CA10: variants seen among roughly 807,000 people sequenced by gnomAD.
CA10 encodes the protein carbonic anhydrase 10 (inactive).
Under a neutral mutation model 44.2 loss-of-function variants are expected in CA10, and 14 were observed. The ratio of observed to expected loss-of-function variants is 0.32; its 90% CI spans 0.21 to 0.50. The LOEUF (loss-of-function observed/expected upper bound fraction) is 0.50, where lower values mean the gene tolerates loss of function less well. CA10 is among the 20% of genes least tolerant of loss of function. The probability of loss-of-function intolerance (pLI) is 0.99; values close to 1 mark genes in which losing one functional copy is unlikely to be tolerated. For synonymous variants in CA10, 159 were observed against 141.6 expected (o/e 1.12, Z -0.87); for missense variants, 350 against 409.7 (o/e 0.85, Z 1.26).
rs1163547699 is a variant in CA10, at chr17:51,861,996, A to G, written c.279+68994T>C. Among the ~76,000 whole-genome samples, 3 of 152,340 alleles carry G rather than the reference A, an allele frequency of 2.0e-5. No homozygotes were observed. In the East Asian group the frequency reaches 5.8e-4, roughly 29 times the overall value. On this transcript the variant is annotated intron_variant, in intron 3 of 8. Coordinates refer to ENST00000451037, the MANE Select transcript of CA10 (RefSeq NM_020178.5). Reference sequence around the variant, plus strand: ...CTTCTCATATGGTCCACTATATACAACAGCCACCTGCTTGCTATTGCCATT... The same window carrying G: ...CTTCTCATATGGTCCACTATATACAGCAGCCACCTGCTTGCTATTGCCATT...
intron 1 of CA10, among the ~76,000 whole-genome samples, chr17:52,133,173 G>T (rs1989278694): frequency 1.3e-5 from 2 of 152,276 alleles, no homozygotes; most frequent in South Asian, 4.1e-4. Flanking sequence ...CATGGAACAG[G>T]TGACTGACCT....
At chr17:51,831,297 A>G (rs1475379743) in intron 3 of CA10, among the ~76,000 whole-genome samples, 2 of 152,022 alleles carry the variant, frequency 1.3e-5, no homozygotes, top group Non-Finnish European at 2.9e-5. Context: ...ATCCTTTTAA[A>G]TTATTGTTTT....
intron 3 of CA10, among the ~76,000 whole-genome samples, chr17:51,815,068 G>T (rs1240552809): frequency 1.3e-5 from 2 of 152,124 alleles, no homozygotes. Context: ...ATTAGGTAAA[G>T]AGACTAAAAC....
intron 2 of CA10, among the ~76,000 whole-genome samples, chr17:52,060,455 A>C (rs1987352297): frequency 6.6e-6 from 1 of 152,182 alleles, no homozygotes; most frequent in South Asian, 2.1e-4. Context: ...TTGGTTTCTT[A>C]GTTTTGACAA....
At chr17:51,908,938 A>G (rs967636669) in intron 3 of CA10, among the ~76,000 whole-genome samples, 3 of 152,156 alleles carry the variant, frequency 2.0e-5, no homozygotes, top group Admixed American at 6.6e-5. Context: ...AGACATTAGT[A>G]AAATAGGCCA....
At chr17:51,949,230 A>C (rs1044056338) in intron 2 of CA10, among the ~76,000 whole-genome samples, 1 of 152,188 alleles carries the variant, frequency 6.6e-6, no homozygotes, top group African/African-American at 2.4e-5. Context: ...TTGAAACCCA[A>C]AACATTTATA....
intron 4 of CA10, among the ~76,000 whole-genome samples, chr17:51,662,445 C>G (rs1303448899): frequency 1.3e-5 from 2 of 152,284 alleles, no homozygotes; most frequent in African/African-American, 2.4e-5. Context: ...GTGACAGTGA[C>G]TATTCATTTC....
intron 1 of CA10, among the ~76,000 whole-genome samples, chr17:52,097,786 C>T (rs1222344478): frequency 1.3e-5 from 2 of 152,162 alleles, no homozygotes; most frequent in East Asian, 1.9e-4. Flanking sequence ...ACTAATGATA[C>T]AACATGGTAA....
chr17:51,647,400 G>T (rs1399515562), intron 6 of CA10, among the ~76,000 whole-genome samples: 1 of 152,064 alleles, frequency 6.6e-6, no homozygotes, highest in Non-Finnish European at 1.5e-5. Context: ...CCCACACTTG[G>T]AATGCTTTTC....
At chr17:51,639,385 T>G (rs1912981113) in intron 6 of CA10, among the ~76,000 whole-genome samples, 1 of 152,074 alleles carries the variant, frequency 6.6e-6, no homozygotes, top group African/African-American at 2.4e-5. Flanking sequence ...ATGTTTTGTT[T>G]CTTTGAGACT....
chr17:51,908,279 T>C (rs557280868), intron 3 of CA10, among the ~76,000 whole-genome samples: 67 of 152,286 alleles, frequency 4.4e-4, no homozygotes, highest in Middle Eastern at 6.8e-3. Context: ...GGAGAGCTCA[T>C]GCATGGCAGT....
In CA10 at chr17:51,904,120, A is replaced by G. The variant is rs564051020; in HGVS notation, c.279+26870T>C. Among the ~76,000 whole-genome samples, 118 of 151,818 alleles carry G rather than the reference A, an allele frequency of 7.8e-4. 3 individuals are homozygous for G. In the South Asian group the frequency reaches 0.024, roughly 31 times the overall value. ...GCTCAGGATGGAGGGGCTTTCTAGG[A>G]TGCAAGAATTTCAGTGTTAAAACTG... On this transcript the variant is annotated intron_variant, in intron 3 of 8. Transcript: ENST00000451037.
chr17:51,694,495 G>GTTTTTT (rs548169573), intron 4 of CA10, among the ~76,000 whole-genome samples: 1 of 127,480 alleles, frequency 7.8e-6, no homozygotes, highest in Admixed American at 7.7e-5. Context: ...TTTTAATGGG[G>GTTTTTT]TTTTTTTTTT....
intron 5 of CA10, among the ~76,000 whole-genome samples, chr17:51,650,795 C>T (rs1017792080): frequency 2.0e-5 from 3 of 152,180 alleles, no homozygotes; most frequent in African/African-American, 7.2e-5. Flanking sequence ...CTGGTCAGCC[C>T]TTGCGTTGGG....
intron 3 of CA10, among the ~76,000 whole-genome samples, chr17:51,789,919 A>G (rs997232873): frequency 6.6e-6 from 1 of 152,208 alleles, no homozygotes; most frequent in Non-Finnish European, 1.5e-5. Context: ...TGATGTCCCT[A>G]GACCTCTTCT....
chr17:52,012,082 T>C (rs1274601180), intron 2 of CA10, among the ~76,000 whole-genome samples: 3 of 151,984 alleles, frequency 2.0e-5, no homozygotes, highest in Non-Finnish European at 4.4e-5. Context: ...TATGGTAGCT[T>C]GCCATTTATT....
At chr17:51,992,319 C>G (rs1467802178) in intron 2 of CA10, among the ~76,000 whole-genome samples, 1 of 152,150 alleles carries the variant, frequency 6.6e-6, no homozygotes, top group Non-Finnish European at 1.5e-5. Flanking sequence ...TCATCCTCAT[C>G]ATCACCATCA....
rs1463316716 is a variant in CA10 at position 51,846,703 on chromosome 17, T to C, written c.279+84287A>G. Among the ~76,000 whole-genome samples, 4 of 152,224 alleles carry C rather than the reference T, an allele frequency of 2.6e-5. No individual in the cohort carries two copies. In the East Asian group the frequency reaches 7.7e-4, roughly 29 times the overall value. On this transcript the variant is annotated intron_variant, in intron 3 of 8. Coordinates refer to ENST00000451037, the MANE Select transcript of CA10 (RefSeq NM_020178.5). Reference sequence around the variant, plus strand: ...ATCTGATTTGGAATTTTGATAAAAATGACATGAGGCAGAATTTCAAGCCTT... The same window carrying C: ...ATCTGATTTGGAATTTTGATAAAAACGACATGAGGCAGAATTTCAAGCCTT...
At chr17:51,699,403 T>G (rs996474631) in intron 4 of CA10, among the ~76,000 whole-genome samples, 2 of 151,896 alleles carry the variant, frequency 1.3e-5, no homozygotes, top group Admixed American at 1.3e-4. Context: ...TTGAGGAGTC[T>G]CCATAGTGCT....
Sources: gnomAD v4.1 joint callset for allele counts (sites outside exome capture counted in the v4.1 genomes callset) on GRCh38, gnomAD v4.1.1 for gene constraint, MANE v1.5 for transcripts, NCBI Gene and HGNC (gene_info 2026-07-23, HGNC 2026-07-21) for gene names.